Variants in NBL1 observed in about 807,000 individuals in gnomAD.
NBL1 encodes the protein NBL1, DAN family BMP antagonist, also known as neuroblastoma suppressor of tumorigenicity 1.
NBL1 carries 9 observed loss-of-function variants against 16.0 expected under a neutral mutation model. The observed-to-expected ratio is 0.56, with a 90% CI of 0.34 to 0.98. The LOEUF is 0.98. NBL1 is among the 50% of genes least tolerant of loss of function. The pLI, the probability that NBL1 is intolerant of heterozygous loss-of-function variation, is 0.02. For synonymous variants in NBL1, 86 were observed against 100.7 expected, an observed-to-expected ratio of 0.85 and a Z score of 0.87; for missense variants, 196 against 243.1, an observed-to-expected ratio of 0.81 and a Z score of 1.29.
rs1389783169 is a variant in NBL1 at position 19,644,937 on chromosome 1, T to C, written c.-20+491T>C. The stretch of plus-strand genomic sequence containing the variant: ...TCCGTTTCCGCCGCTCACTTTCCCC[T>C]GGTCTGCCCGTCTCTTTCCGTTCCC... On this transcript the variant is annotated intron_variant, in intron 1 of 3. Transcript: ENST00000375136. This position sits in a 1 kb window ranked among gnomAD's most constrained non-coding sequence, Gnocchi z 4.6. Among the ~76,000 whole-genome samples the C allele has an allele frequency of 1.3e-5, 2 of 152,136 alleles. No homozygotes were observed. Among genetic ancestry groups the C allele is most frequent in the Non-Finnish European group, 2.9e-5 (2 of 68,012 alleles).
chr1:19,653,865 C>T (rs1201831686), intron 1 of NBL1, among the ~76,000 whole-genome samples: 1 of 152,236 alleles, frequency 6.6e-6, no homozygotes, highest in Non-Finnish European at 1.5e-5. Flanking sequence ...TGCCCTGCAG[C>T]GCCACCTTTT....
upstream of NBL1, chr1:19,643,741 C>A: frequency 9.3e-7 from 1 of 1,073,918 alleles, no homozygotes; most frequent in Non-Finnish European, 1.1e-6. This position sits in a 1 kb window ranked among gnomAD's most constrained non-coding sequence, Gnocchi z 4.7. Flanking sequence ...CAAGGCTGAG[C>A]AACCCAGGCT....
At chr1:19,651,379 A>G (rs2095024670) in intron 1 of NBL1, among the ~76,000 whole-genome samples, 1 of 152,190 alleles carries the variant, frequency 6.6e-6, no homozygotes, top group Non-Finnish European at 1.5e-5. Flanking sequence ...TCAGCTGTGC[A>G]CTGGAAAGGG....
intron 1 of NBL1, among the ~76,000 whole-genome samples, chr1:19,651,562 C>T (rs1362226711): frequency 6.6e-6 from 1 of 152,226 alleles, no homozygotes; most frequent in Non-Finnish European, 1.5e-5. Context: ...AGTCTCAACA[C>T]TCGGCTTCAG....
Position 19,655,386 on chromosome 1 carries a change from C to T in NBL1, c.233C>T (p.Ser78Phe). ...VPNTFPQSTE[S>F]LVHCDSCMPA... ...AACACCTTCCCACAGTCCACAGAGTCCCTGGTTCACTGTGACTCCTGCATG... is the reference window on the plus strand; with the variant it reads ...AACACCTTCCCACAGTCCACAGAGTTCCTGGTTCACTGTGACTCCTGCATG... Residue 78 changes from serine to phenylalanine, a missense_variant, in exon 3 of 4, where the codon TCC (serine) becomes TTC (phenylalanine). By Grantham distance (155) the Ser-to-Phe change is radical. Transcript: ENST00000375136. 1.2e-6 allele frequency: 2 copies of T among 1,614,138 alleles called. No individual in the cohort carries two copies. Among genetic ancestry groups the T allele is most frequent in the Non-Finnish European group, 1.7e-6 (2 of 1,180,020 alleles).
chr1:19,651,615 C>T (rs1028792281), intron 1 of NBL1, among the ~76,000 whole-genome samples: 5 of 152,152 alleles, frequency 3.3e-5, no homozygotes, highest in Admixed American at 6.5e-5. Flanking sequence ...TCTCCTAATT[C>T]CAACTCCAAG....
At position 19,655,362 on chromosome 1, in the gene NBL1, A is replaced by C; in HGVS notation, c.209A>C (p.Asn70Thr). ...CAGTGCTTCAGCTACAGCGTCCCCAACACCTTCCCACAGTCCACAGAGTCC... is the reference window on the plus strand; with the variant it reads ...CAGTGCTTCAGCTACAGCGTCCCCACCACCTTCCCACAGTCCACAGAGTCC... ...LGQCFSYSVP[N>T]TFPQSTESLV... The change falls in exon 3 of 4, where the codon AAC becomes ACC. Residue 70 changes from asparagine (N) to threonine (T), a missense_variant. Coordinates refer to ENST00000375136, the MANE Select transcript of NBL1 (RefSeq NM_005380.8). 6.2e-7 allele frequency: 1 copy of C among 1,613,968 alleles called. No individual in the cohort carries two copies. Among genetic ancestry groups the C allele is most frequent in the Non-Finnish European group, 8.5e-7 (1 of 1,179,974 alleles).
chr1:19,645,929 C>G, intron 1 of NBL1: 1 of 1,550,212 alleles, frequency 6.5e-7, no homozygotes. Flanking sequence ...GTGAGGTCTG[C>G]AGTGGAACTT....
intron 1 of NBL1, among the ~76,000 whole-genome samples, chr1:19,651,109 C>G (rs2095022540): frequency 1.3e-5 from 2 of 152,226 alleles, no homozygotes; most frequent in African/African-American, 4.8e-5. Flanking sequence ...TGCAATGCTT[C>G]CCATGTTAGG....
intron 1 of NBL1, chr1:19,645,871 A>G (rs1046702799): frequency 6.5e-7 from 1 of 1,530,946 alleles, no homozygotes; most frequent in African/African-American, 1.4e-5. Flanking sequence ...GCTTCCCCCC[A>G]CCCACAACCT....
intron 1 of NBL1, among the ~76,000 whole-genome samples, chr1:19,654,518 C>T (rs917819933): frequency 1.3e-5 from 2 of 152,182 alleles, no homozygotes; most frequent in Admixed American, 1.3e-4. Context: ...GTGTGGCCAG[C>T]CCCTCCAGGG....
At chr1:19,653,203 G>C (rs368817501) in intron 1 of NBL1, among the ~76,000 whole-genome samples, 1 of 143,676 alleles carries the variant, frequency 7.0e-6, no homozygotes, top group East Asian at 2.2e-4. Context: ...AGGAGAAGGC[G>C]TGAACCCAGG....
At chr1:19,653,160 G>A (rs562024271) in intron 1 of NBL1, among the ~76,000 whole-genome samples, 24 of 150,494 alleles carry the variant, frequency 1.6e-4, no homozygotes, top group African/African-American at 5.1e-4. Flanking sequence ...GGTGGTGGGC[G>A]CCTGCAGTCC....
Position 19,644,337 on chromosome 1 carries a change from C to T in NBL1, c.-129C>T, listed in dbSNP as rs1249297895. The T allele has an allele frequency of 2.6e-5, 25 of 978,868 alleles. No individual in the cohort carries two copies. Among genetic ancestry groups the T allele is most frequent in the Non-Finnish European group, 3.0e-5 (25 of 827,350 alleles). The allele number at this position is 978,868 out of a possible 1,614,324, so 60.6% of individuals were successfully genotyped here. ...CAGACAGCGCGCAGCGCAGCCCAGC[C>T]GAGCGTCGCGGGGCCGCCCCCCGCC... On this transcript the variant is annotated 5_prime_UTR_variant, in exon 1 of 4. Coordinates refer to ENST00000375136, the MANE Select transcript of NBL1 (RefSeq NM_005380.8). This position sits in a 1 kb window ranked among gnomAD's most constrained non-coding sequence, Gnocchi z 4.6.
chr1:19,647,762 G>A (rs2094990279), intron 1 of NBL1: 2 of 725,030 alleles, frequency 2.8e-6, no homozygotes, highest in African/African-American at 1.9e-5. Context: ...GGGAGGGAGA[G>A]CCCTGCCCTT....
chr1:19,655,569 G>C, intron 3 of NBL1, 134 bp downstream of exon 3: 2 of 1,014,088 alleles, frequency 2.0e-6, no homozygotes, highest in Non-Finnish European at 2.9e-6. Context: ...CAGGGTGAAG[G>C]GCTTGTGCTG....
chr1:19,657,335 G>T lies in NBL1; in HGVS notation c.*206G>T. 1 of 375,298 alleles carries T rather than the reference G, an allele frequency of 2.7e-6. No homozygotes were observed. Among genetic ancestry groups the T allele is most frequent in the Admixed American group, 4.1e-5 (1 of 24,408 alleles). 23.2% of individuals were successfully genotyped at this position (375,298 alleles called of 1,614,324 possible). On this transcript the variant is annotated 3_prime_UTR_variant, in exon 4 of 4. Coordinates refer to ENST00000375136, the MANE Select transcript of NBL1 (RefSeq NM_005380.8). ...GCACAATTTAATATATTCAAGAGTGGGGGGAGGAAGCAGAGGTCTTCAGGG... is the reference window on the plus strand; with the variant it reads ...GCACAATTTAATATATTCAAGAGTGTGGGGAGGAAGCAGAGGTCTTCAGGG...
chr1:19,656,182 G>C (rs2100447763), intron 3 of NBL1, among the ~76,000 whole-genome samples: 1 of 152,146 alleles, frequency 6.6e-6, no homozygotes, highest in Non-Finnish European at 1.5e-5. Context: ...CTGGCACAGG[G>C]TAGGCGCTCT....
At position 19,644,358 on chromosome 1, in the gene NBL1, C is replaced by A; in HGVS notation, c.-108C>A. On this transcript the variant is annotated 5_prime_UTR_variant, in exon 1 of 4. Transcript: ENST00000375136. This position sits in a 1 kb window ranked among gnomAD's most constrained non-coding sequence, Gnocchi z 4.6. ...CAGCCGAGCGTCGCGGGGCCGCCCC[C>A]CGCCCTGCCGGCCGCCTCGCCGAGC... 2 of 978,596 alleles carry A rather than the reference C, an allele frequency of 2.0e-6. No homozygotes were observed. Among genetic ancestry groups the A allele is most frequent in the Non-Finnish European group, 2.4e-6 (2 of 826,944 alleles). 60.6% of individuals were successfully genotyped at this position (978,596 alleles called of 1,614,324 possible).
Sources: allele counts gnomAD v4.1 joint callset (sites outside exome capture counted in the v4.1 genomes callset), GRCh38; gene constraint gnomAD v4.1.1; non-coding constraint Gnocchi (gnomAD v3.1); transcripts MANE v1.5; gene names NCBI Gene and HGNC (gene_info 2026-07-23, HGNC 2026-07-21).